Variants in YAP1 observed in about 807,000 individuals in gnomAD.
YAP1 encodes Yes1 associated transcriptional regulator.
In YAP1, 5 loss-of-function variants were observed where a neutral mutation model predicts 56.9. The ratio of observed to expected loss-of-function variants is 0.09; its 90% CI spans 0.05 to 0.18. The LOEUF is 0.18. Ranked by LOEUF, YAP1 falls within the 10% of genes least tolerant of loss-of-function variation. YAP1 has a pLI of 1.00. For synonymous variants in YAP1, 265 were observed against 248.1 expected (o/e 1.07, Z -0.64); for missense variants, 539 against 651.8 (o/e 0.83, Z 1.88).
chr11:102,158,312 C>T (rs1178367441), intron 2 of YAP1, among the ~76,000 whole-genome samples: 1 of 152,188 alleles, frequency 6.6e-6, no homozygotes, highest in African/African-American at 2.4e-5. Context: ...TCAGAGGTTG[C>T]TTAACTCCTC....
chr11:102,134,231 T>C (rs533398399), intron 2 of YAP1, among the ~76,000 whole-genome samples: 1 of 152,284 alleles, frequency 6.6e-6, no homozygotes, highest in East Asian at 1.9e-4. Context: ...TATTTGCCAT[T>C]GACTTGTTAG....
chr11:102,218,047 CAT>C (rs761120783), intron 6 of YAP1, among the ~76,000 whole-genome samples: 4 of 152,138 alleles, frequency 2.6e-5, no homozygotes, highest in Non-Finnish European at 4.4e-5. Context: ...GGTGTACACA[CAT>C]GTCAAAACTC....
At chr11:102,120,397 C>G (rs1250691420) in intron 2 of YAP1, among the ~76,000 whole-genome samples, 2 of 152,200 alleles carry the variant, frequency 1.3e-5, no homozygotes, top group Admixed American at 6.5e-5. Context: ...AAGTGATAGT[C>G]TGTTGTTTCT....
intron 4 of YAP1, among the ~76,000 whole-genome samples, chr11:102,191,145 G>A (rs1948257713): frequency 6.6e-6 from 1 of 150,570 alleles, no homozygotes; most frequent in African/African-American, 2.4e-5. Flanking sequence ...CTGCACTCCA[G>A]CCTGGGCAAC....
rs113727549 is a variant in YAP1, at chr11:102,159,629, C to T, written c.573-2827C>T. Among the ~76,000 whole-genome samples, 1,094 of 152,218 alleles carry T rather than the reference C, an allele frequency of 7.2e-3. 11 individuals are homozygous for T. The highest frequency in any genetic ancestry group is 0.025 in the African/African-American group (1,048 of 41,532). ...GAATGAAATTTTTGAGGGCTTTTTG[C>T]GTACCAGGAGTCACAGTCCTGGTTG... On this transcript the variant is annotated intron_variant, in intron 2 of 8. Coordinates refer to ENST00000282441, the MANE Select transcript of YAP1 (RefSeq NM_001130145.3).
intron 3 of YAP1, among the ~76,000 whole-genome samples, chr11:102,171,543 A>G (rs767543692): frequency 6.6e-6 from 1 of 152,230 alleles, no homozygotes; most frequent in African/African-American, 2.4e-5. Context: ...TTCCTTCGGC[A>G]AAACTTTACA....
At chr11:102,157,266 A>G (rs73582014) in intron 2 of YAP1, among the ~76,000 whole-genome samples, 13,325 of 152,262 alleles carry the variant, frequency 0.088, 984 homozygotes, top group African/African-American at 0.19. Context: ...ATAGTCCACC[A>G]TGGACATATA....
At chr11:102,148,195 T>C (rs1272359111) in intron 2 of YAP1, among the ~76,000 whole-genome samples, 3 of 152,172 alleles carry the variant, frequency 2.0e-5, no homozygotes, top group Non-Finnish European at 2.9e-5. Flanking sequence ...TTGGGAAACT[T>C]TGGTGTTTCT....
intron 3 of YAP1, among the ~76,000 whole-genome samples, chr11:102,181,095 C>T (rs893328246): frequency 2.6e-5 from 4 of 151,624 alleles, no homozygotes; most frequent in Non-Finnish European, 4.4e-5. Context: ...TGCAGTGAGC[C>T]GGGATTGCAC....
At chr11:102,173,421 A>G (rs746474268) in intron 3 of YAP1, among the ~76,000 whole-genome samples, 1 of 152,134 alleles carries the variant, frequency 6.6e-6, no homozygotes, top group Non-Finnish European at 1.5e-5. Flanking sequence ...GAATTTTGAA[A>G]TCCAAATATC....
rs186951419 is a variant in YAP1 at position 102,137,770 on chromosome 11, T to A, written c.572+23376T>A. Among the ~76,000 whole-genome samples, 124 of 151,158 alleles carry A rather than the reference T, an allele frequency of 8.2e-4. 1 individual carries two copies. Among genetic ancestry groups the A allele is most frequent in the Middle Eastern group, 3.4e-3 (1 of 290 alleles). On this transcript the variant is annotated intron_variant, in intron 2 of 8. Transcript: ENST00000282441. ...TGACTTTTTTTTTTTTTTTTTAAAGTCATGGAGTTCCTTTTCTCAATATCA... is the reference window on the plus strand; with the variant it reads ...TGACTTTTTTTTTTTTTTTTTAAAGACATGGAGTTCCTTTTCTCAATATCA...
intron 5 of YAP1, among the ~76,000 whole-genome samples, chr11:102,207,232 G>A (rs1379709912): frequency 6.6e-6 from 1 of 151,988 alleles, no homozygotes; most frequent in Admixed American, 6.6e-5. Flanking sequence ...TCTTTTCCCT[G>A]TTTTTCTAGT....
chr11:102,184,373 A>G lies in YAP1; in HGVS notation c.689-1645A>G, dbSNP rs554038986. 1.8e-3 allele frequency among the ~76,000 whole-genome samples: 278 copies of G among 152,316 alleles called. 1 individual carries two copies. Among genetic ancestry groups the G allele is most frequent in the South Asian group, 4.8e-3 (23 of 4,828 alleles). ...GAAAGCTGGTGAGAAAAGGTTTGAT[A>G]TACATGTGATAAACAGGTTTGCTTC... On this transcript the variant is annotated intron_variant, in intron 3 of 8. Coordinates refer to ENST00000282441, the MANE Select transcript of YAP1 (RefSeq NM_001130145.3).
chr11:102,134,456 CT>C (rs1053617677), intron 2 of YAP1, among the ~76,000 whole-genome samples: 15 of 147,418 alleles, frequency 1.0e-4, no homozygotes, highest in Non-Finnish European at 1.8e-4. Context: ...TGTTATGGCT[CT>C]TTTTTTAATC....
chr11:102,152,939 C>T (rs143124035), intron 2 of YAP1, among the ~76,000 whole-genome samples: 105 of 152,198 alleles, frequency 6.9e-4, no homozygotes, highest in African/African-American at 2.4e-3. Flanking sequence ...TTCCCAAGAG[C>T]GGACATTTGA....
Position 102,231,103 on chromosome 11 carries a change from G to T in YAP1, c.*1163G>T, listed in dbSNP as rs1436531726. Reference sequence around the variant, plus strand: ...ATTACTGTGGATAGTGCCTAGGGGAGTGCTCCACGCCCTCTGGGCATACGG... The same window carrying T: ...ATTACTGTGGATAGTGCCTAGGGGATTGCTCCACGCCCTCTGGGCATACGG... On this transcript the variant is annotated 3_prime_UTR_variant, in exon 9 of 9. Transcript: ENST00000282441. The T allele has an allele frequency of 1.3e-5, 2 of 152,226 alleles. No individual in the cohort carries two copies. Among genetic ancestry groups the T allele is most frequent in the Non-Finnish European group, 2.9e-5 (2 of 68,044 alleles). The allele number at this position is 152,226 out of a possible 1,614,324, so 9.4% of individuals were successfully genotyped here.
intron 4 of YAP1, among the ~76,000 whole-genome samples, chr11:102,187,444 G>A (rs1213966222): frequency 1.3e-5 from 2 of 152,174 alleles, no homozygotes; most frequent in Admixed American, 1.3e-4. Flanking sequence ...CCTTGTGATT[G>A]GAACAGGAAA....
chr11:102,208,947 C>G (rs1034145578), intron 5 of YAP1, among the ~76,000 whole-genome samples: 1 of 152,116 alleles, frequency 6.6e-6, no homozygotes, highest in African/African-American at 2.4e-5. Context: ...TTTCCTAAAT[C>G]TTTATTCTCA....
At chr11:102,179,422 A>G (rs973575110) in intron 3 of YAP1, among the ~76,000 whole-genome samples, 2 of 152,136 alleles carry the variant, frequency 1.3e-5, no homozygotes, top group Admixed American at 1.3e-4. Flanking sequence ...AATAATGGTA[A>G]TCCCCTTTAA....
Sources: allele counts gnomAD v4.1 joint callset (sites outside exome capture counted in the v4.1 genomes callset), GRCh38; gene constraint gnomAD v4.1.1; transcripts MANE v1.5; gene names NCBI Gene and HGNC (gene_info 2026-07-23, HGNC 2026-07-21).